Variants in ST18 observed in about 807,000 individuals in gnomAD.
ST18 encodes the protein suppression of tumorigenicity 18 protein.
In ST18, 50 loss-of-function variants were observed where a neutral mutation model predicts 110.0. The ratio of observed to expected loss-of-function variants is 0.45; its 90% CI spans 0.36 to 0.58. The LOEUF is 0.58. ST18 is among the 20% of genes least tolerant of loss of function. The probability of loss-of-function intolerance (pLI) is 0.00; values close to 1 mark genes in which losing one functional copy is unlikely to be tolerated. For synonymous variants in ST18, 461 were observed against 452.4 expected (o/e 1.02, Z -0.24); for missense variants, 1,306 against 1,280.1 (o/e 1.02, Z -0.31).
intron 2 of ST18, among the ~76,000 whole-genome samples, chr8:52,370,548 C>T (rs1829901558): frequency 6.6e-6 from 1 of 152,148 alleles, no homozygotes. Flanking sequence ...GCCACACATG[C>T]ATGTTTAAGC....
At chr8:52,332,244 A>G (rs1809856691) in intron 2 of ST18, among the ~76,000 whole-genome samples, 1 of 152,102 alleles carries the variant, frequency 6.6e-6, no homozygotes, top group Non-Finnish European at 1.5e-5. Context: ...GGGTAGAAAT[A>G]TATGATTGAT....
At chr8:52,296,004 A>G (rs1048561828) in intron 2 of ST18, among the ~76,000 whole-genome samples, 3 of 152,116 alleles carry the variant, frequency 2.0e-5, no homozygotes, top group Admixed American at 6.5e-5. Flanking sequence ...GCTGGAAAAA[A>G]AAAATGGGAC....
At chr8:52,306,744 C>G (rs1351520166) in intron 2 of ST18, among the ~76,000 whole-genome samples, 1 of 152,058 alleles carries the variant, frequency 6.6e-6, no homozygotes, top group African/African-American at 2.4e-5. Context: ...ACCAGGGGCC[C>G]TGAGGATCTT....
intron 8 of ST18, among the ~76,000 whole-genome samples, chr8:52,197,755 G>T (rs2076629829): frequency 6.6e-6 from 1 of 151,968 alleles, no homozygotes. Context: ...AAAGAAGTGT[G>T]CACATGTCAC....
At chr8:52,150,078 T>A in intron 15 of ST18, 101 bp from the exon 16 acceptor site, 1 of 1,428,716 alleles carries the variant, frequency 7.0e-7, no homozygotes, top group Non-Finnish European at 9.4e-7. Context: ...AGCTTTTATG[T>A]AAGTATATCT....
At chr8:52,252,497 G>A (rs1265588537) in intron 2 of ST18, among the ~76,000 whole-genome samples, 1 of 138,760 alleles carries the variant, frequency 7.2e-6, no homozygotes, top group African/African-American at 2.8e-5. Context: ...GAACACTAAT[G>A]GCCACTCTAA....
chr8:52,117,876 G>T (rs936699286), intron 24 of ST18, among the ~76,000 whole-genome samples: 2 of 152,204 alleles, frequency 1.3e-5, no homozygotes, highest in Non-Finnish European at 2.9e-5. Flanking sequence ...TTGAGAAATT[G>T]CTTGGGCTTT....
intron 14 of ST18, among the ~76,000 whole-genome samples, chr8:52,159,610 A>G (rs1237294483): frequency 6.6e-6 from 1 of 152,226 alleles, no homozygotes; most frequent in Non-Finnish European, 1.5e-5. Flanking sequence ...ATTATTTGAT[A>G]TGCAGGCTTG....
At chr8:52,194,361 C>T (rs2075540897) in intron 8 of ST18, 1 of 152,094 alleles carries the variant, frequency 6.6e-6, no homozygotes, top group Non-Finnish European at 1.5e-5. Context: ...TTGGCATTCA[C>T]CTTGATTATA....
At chr8:52,287,452 T>C (rs572479848) in intron 2 of ST18, among the ~76,000 whole-genome samples, 74 of 152,278 alleles carry the variant, frequency 4.9e-4, no homozygotes, top group African/African-American at 1.7e-3. Flanking sequence ...CTAGCTCCTT[T>C]AGAGCTAGAA....
chr8:52,364,082 C>T (rs961406617), intron 2 of ST18, among the ~76,000 whole-genome samples: 4 of 152,192 alleles, frequency 2.6e-5, no homozygotes, highest in African/African-American at 9.7e-5. Flanking sequence ...GATTATTCAA[C>T]CACATGAAAC....
intron 2 of ST18, among the ~76,000 whole-genome samples, chr8:52,308,035 C>T (rs1461536722): frequency 1.3e-5 from 2 of 152,166 alleles, no homozygotes; most frequent in African/African-American, 4.8e-5. Context: ...TTCTTATCTC[C>T]CTGATTCCTG....
chr8:52,387,201 G>A (rs184296818), intron 2 of ST18, among the ~76,000 whole-genome samples: 1 of 151,744 alleles, frequency 6.6e-6, no homozygotes, highest in Non-Finnish European at 1.5e-5. Context: ...AAAGTCCAGA[G>A]ATTTTAAAAT....
intron 8 of ST18, among the ~76,000 whole-genome samples, chr8:52,187,890 T>C (rs2072990168): frequency 6.6e-6 from 1 of 152,232 alleles, no homozygotes; most frequent in African/African-American, 2.4e-5. Flanking sequence ...ATAATGATTA[T>C]TAATTAATGC....
At chr8:52,163,272 GA>G (rs1293491462) in intron 13 of ST18, among the ~76,000 whole-genome samples, 1 of 152,134 alleles carries the variant, frequency 6.6e-6, no homozygotes, top group Non-Finnish European at 1.5e-5. Context: ...TGAAAACGTT[GA>G]AATGTCTAAT....
intron 21 of ST18, among the ~76,000 whole-genome samples, chr8:52,132,520 T>C (rs903121021): frequency 1.3e-5 from 2 of 152,236 alleles, no homozygotes; most frequent in Non-Finnish European, 2.9e-5. Context: ...AAGGACTATG[T>C]TATGTTGCTT....
chr8:52,310,871 A>G (rs2095894149), intron 2 of ST18, among the ~76,000 whole-genome samples: 2 of 135,030 alleles, frequency 1.5e-5, no homozygotes, highest in South Asian at 2.7e-4. Flanking sequence ...AAAGGCCCCA[A>G]CTGCTCTGCG....
At chr8:52,381,003 A>G (rs1260349832) in intron 2 of ST18, among the ~76,000 whole-genome samples, 1 of 152,164 alleles carries the variant, frequency 6.6e-6, no homozygotes, top group Non-Finnish European at 1.5e-5. Flanking sequence ...TCCCAGCTGC[A>G]AATACAGCAA....
intron 22 of ST18, among the ~76,000 whole-genome samples, chr8:52,127,294 A>C (rs1340656571): frequency 6.6e-6 from 1 of 152,210 alleles, no homozygotes; most frequent in African/African-American, 2.4e-5. Context: ...AGTTTGCCTA[A>C]TTTGATAAGC....
Sources: allele counts gnomAD v4.1 joint callset (sites outside exome capture counted in the v4.1 genomes callset), GRCh38; gene constraint gnomAD v4.1.1; transcripts MANE v1.5; gene names NCBI Gene and HGNC (gene_info 2026-07-23, HGNC 2026-07-21).